The following CLASP2 variants were observed in gnomAD, a reference collection of about 807,000 sequenced individuals.
CLASP2 encodes the protein cytoplasmic linker associated protein 2, also known as CLIP-associating protein 2.
Under a neutral mutation model 194.4 loss-of-function variants are expected in CLASP2, and 47 were observed. That is an observed-to-expected ratio of 0.24 (90% CI 0.19 to 0.31). The LOEUF (loss-of-function observed/expected upper bound fraction) is 0.31. CLASP2 is among the 10% of genes least tolerant of loss of function. CLASP2 has a pLI of 1.00. For missense variants in CLASP2, 1,445 were observed against 1,823.6 expected (o/e 0.79, Z 3.78); for synonymous variants, 619 against 633.5 (o/e 0.98, Z 0.34).
chr3:33,563,683 AAC>A (rs1276294186), intron 27 of CLASP2, among the ~76,000 whole-genome samples: 1 of 152,164 alleles, frequency 6.6e-6, no homozygotes, highest in African/African-American at 2.4e-5. Flanking sequence ...TATTCACAAA[AAC>A]AGGCAGCAGG....
chr3:33,530,582 G>A (rs1192419930), intron 34 of CLASP2, among the ~76,000 whole-genome samples: 1 of 152,228 alleles, frequency 6.6e-6, no homozygotes, highest in Non-Finnish European at 1.5e-5. Context: ...ACAGTTGGCA[G>A]TGCAGGTTTG....
intron 37 of CLASP2, chr3:33,502,625 T>C (rs1313843396): frequency 6.6e-6 from 1 of 152,224 alleles, no homozygotes; most frequent in Non-Finnish European, 1.5e-5. Context: ...CTACTTACTC[T>C]ATTTCAATAC....
intron 9 of CLASP2, 164 bp from the exon 10 acceptor site, chr3:33,627,244 A>G: frequency 1.6e-6 from 1 of 626,614 alleles, no homozygotes. Flanking sequence ...ATAACACAAA[A>G]TGCTTTATTT....
intron 6 of CLASP2, among the ~76,000 whole-genome samples, chr3:33,668,181 T>G (rs536269459): frequency 1.3e-5 from 2 of 152,190 alleles, no homozygotes; most frequent in Admixed American, 6.5e-5. Flanking sequence ...ATCGTGCCAT[T>G]GCACTCCGGC....
In CLASP2 at chr3:33,576,657, T is replaced by C. The variant is rs1363973740; in HGVS notation, c.2348-382A>G. On this transcript the variant is annotated intron_variant, in intron 23 of 38. Transcript: ENST00000682230. The stretch of plus-strand genomic sequence containing the variant: ...ACAAAGATCAATCCTCAACCAATAG[T>C]GGTTAGGGAGATCCATGAAGGCACA... Among the ~76,000 whole-genome samples the C allele has an allele frequency of 6.6e-5, 10 of 152,074 alleles. No individual in the cohort carries two copies. In the East Asian group the frequency reaches 1.9e-3, roughly 29 times the overall value.
chr3:33,657,118 G>A (rs2084379501), intron 7 of CLASP2, among the ~76,000 whole-genome samples: 1 of 151,988 alleles, frequency 6.6e-6, no homozygotes, highest in Admixed American at 6.6e-5. Flanking sequence ...AACAAAGTTT[G>A]TAAGTTCGTA....
chr3:33,537,892 A>G (rs2057662719), intron 33 of CLASP2, among the ~76,000 whole-genome samples: 1 of 152,186 alleles, frequency 6.6e-6, no homozygotes, highest in Non-Finnish European at 1.5e-5. Context: ...CTGTAATCCC[A>G]GCACTTTGGG....
intron 6 of CLASP2, among the ~76,000 whole-genome samples, chr3:33,674,207 A>T (rs2088019278): frequency 6.6e-6 from 1 of 152,114 alleles, no homozygotes; most frequent in South Asian, 2.1e-4. Flanking sequence ...AGCACTCCTC[A>T]GCAAATGTAA....
intron 10 of CLASP2, among the ~76,000 whole-genome samples, chr3:33,626,575 T>G (rs1269620949): frequency 6.6e-6 from 1 of 152,166 alleles, no homozygotes; most frequent in Non-Finnish European, 1.5e-5. Context: ...ATGCATATCC[T>G]GTTGTGAATT....
intron 34 of CLASP2, 53 bp downstream of exon 34, chr3:33,535,179 CA>C (rs1486556201): frequency 3.7e-5 from 45 of 1,221,826 alleles, no homozygotes; most frequent in Non-Finnish European, 5.3e-5. Context: ...TCTTTTACTT[CA>C]TCAATTACCA....
chr3:33,705,387 T>A (rs1225310593), intron 1 of CLASP2, among the ~76,000 whole-genome samples: 1 of 152,028 alleles, frequency 6.6e-6, no homozygotes, highest in Admixed American at 6.6e-5. Context: ...TAGGACTAGG[T>A]TGGGGTGGGT....
chr3:33,503,555 A>G (rs1293606560), intron 37 of CLASP2: 4 of 151,496 alleles, frequency 2.6e-5, no homozygotes, highest in Non-Finnish European at 5.9e-5. Flanking sequence ...GGTCTCCCAC[A>G]TAGCTGCGAT....
At chr3:33,544,590 T>C in intron 31 of CLASP2, 108 bp downstream of exon 31, 2 of 1,030,698 alleles carry the variant, frequency 1.9e-6, no homozygotes, top group South Asian at 1.9e-5. Context: ...CAAATAAAGA[T>C]GCAAAAATTA....
chr3:33,543,620 T>A, intron 31 of CLASP2, 81 bp from the exon 32 acceptor site: 1 of 826,124 alleles, frequency 1.2e-6, no homozygotes, highest in East Asian at 2.4e-5. Flanking sequence ...CACACAAACA[T>A]TAGGTTGAAC....
At chr3:33,631,215 A>G (rs2079025266) in intron 9 of CLASP2, among the ~76,000 whole-genome samples, 2 of 152,222 alleles carry the variant, frequency 1.3e-5, no homozygotes, top group Non-Finnish European at 2.9e-5. Context: ...AGTGACAACA[A>G]CAAGTATTGG....
At chr3:33,523,658 T>A (rs745680339) in intron 34 of CLASP2, among the ~76,000 whole-genome samples, 34 of 152,212 alleles carry the variant, frequency 2.2e-4, no homozygotes, top group Non-Finnish European at 4.0e-4. Flanking sequence ...AACGTAAATA[T>A]ATACATTGGC....
Position 33,551,381 on chromosome 3 carries a change from G to C in CLASP2, c.3024C>G (p.Ile1008Met). 1 of 1,613,448 alleles carries C rather than the reference G, an allele frequency of 6.2e-7. No homozygotes were observed. Among genetic ancestry groups the C allele is most frequent in the African/African-American group, 1.3e-5 (1 of 75,018 alleles). ...QTPSLKVKVA[I>M]LKYIETLAKQ... ...TGGCCAGAGTTTCTATGTATTTAAG[G>C]ATAGCAACCTTCACCTGCAGAGGAA... Residue 1008 changes from isoleucine to methionine, a missense_variant, in exon 30 of 39, where the codon ATC (isoleucine) becomes ATG (methionine). Ile to Met is a conservative substitution (Grantham distance 10, BLOSUM62 1). Around this residue, in one of 4 missense-constraint regions of CLASP2, gnomAD observed 732 missense variants for 987.9 expected, o/e 0.74. Transcript: ENST00000682230.
At chr3:33,689,223 T>C (rs1466077473) in intron 3 of CLASP2, among the ~76,000 whole-genome samples, 1 of 151,752 alleles carries the variant, frequency 6.6e-6, no homozygotes, top group Non-Finnish European at 1.5e-5. Flanking sequence ...TCACCAATAC[T>C]ACCTCAGGAA....
chr3:33,575,902 CTATAGTGTATAAAACACA>C (rs1279929067), intron 24 of CLASP2, among the ~76,000 whole-genome samples: 5 of 152,086 alleles, frequency 3.3e-5, no homozygotes. Context: ...CTTAAGTATA[CTATAGTGTATAAAACACA>C]TTACCATATT....
Sources: gnomAD v4.1 joint callset for allele counts (sites outside exome capture counted in the v4.1 genomes callset) on GRCh38, gnomAD v4.1.1 for gene constraint, gnomAD v4.1.1 regional missense constraint, MANE v1.5 for transcripts, NCBI Gene and HGNC (gene_info 2026-07-23, HGNC 2026-07-21) for gene names.